The following RPA3 variants were observed in gnomAD, a reference collection of about 807,000 sequenced individuals.
The protein encoded by RPA3 is replication protein A 14 kDa subunit.
Under a neutral mutation model 13.7 loss-of-function variants are expected in RPA3, and 24 were observed. The ratio of observed to expected loss-of-function variants is 1.75; its 90% CI spans 1.27 to 2.46. The LOEUF is 2.46. RPA3 is among the 30% of genes most tolerant of loss of function. The pLI, the probability that RPA3 is intolerant of heterozygous loss-of-function variation, is 0.00. For synonymous variants in RPA3, 59 were observed against 51.2 expected (o/e 1.15, Z -0.65); for missense variants, 183 against 151.0 (o/e 1.21, Z -1.11).
At chr7:7,638,962 C>T in intron 6 of RPA3, 108 bp downstream of exon 6, 1 of 752,188 alleles carries the variant, frequency 1.3e-6, no homozygotes, top group Non-Finnish European at 2.0e-6. Context: ...GTTTTACCAG[C>T]TCATCCTTTT....
In RPA3 at chr7:7,640,517, C is replaced by T; in HGVS notation, c.-99G>A. ...GGGCAGATTTCTCGGCACCAATCAG[C>T]GAAGACTAGCGCTCCAGCTTCGCCA... On this transcript the variant is annotated 5_prime_UTR_variant, in exon 5 of 8. Coordinates refer to ENST00000223129, the MANE Select transcript of RPA3 (RefSeq NM_002947.5). 9.5e-7 allele frequency: 1 copy of T among 1,051,302 alleles called. No individual in the cohort carries two copies. Among genetic ancestry groups the T allele is most frequent in the East Asian group, 2.4e-5 (1 of 41,292 alleles). The allele number at this position is 1,051,302 out of a possible 1,614,324, so 65.1% of individuals were successfully genotyped here.
At chr7:7,674,932 C>A (rs1213551944) in intron 4 of RPA3, among the ~76,000 whole-genome samples, 2 of 152,092 alleles carry the variant, frequency 1.3e-5, no homozygotes, top group Admixed American at 6.5e-5. Context: ...GTTATATATT[C>A]CTGATTTTAA....
chr7:7,641,403 T>G (rs1784971122), intron 4 of RPA3: 1 of 152,238 alleles, frequency 6.6e-6, no homozygotes, highest in Non-Finnish European at 1.5e-5. Context: ...GGTTCTCCCT[T>G]CTGAGGCGTG....
At chr7:7,674,437 G>T (rs1779688047) in intron 4 of RPA3, among the ~76,000 whole-genome samples, 1 of 152,186 alleles carries the variant, frequency 6.6e-6, no homozygotes, top group African/African-American at 2.4e-5. Flanking sequence ...CTTTACTATA[G>T]AATTTTCCAT....
intron 4 of RPA3, among the ~76,000 whole-genome samples, chr7:7,643,723 AAACAAACAAAC>A (rs1220653130): frequency 1.8e-4 from 1 of 5,480 alleles, no homozygotes; most frequent in East Asian, 0.01. Context: ...AAAAAAAAAA[AAACAAACAAAC>A]GAAAAAAAAA....
At chr7:7,689,311 T>C (rs1050647189) in intron 2 of RPA3, 5 of 152,190 alleles carry the variant, frequency 3.3e-5, no homozygotes, top group African/African-American at 1.2e-4. Context: ...TGATGTTTTA[T>C]CTATCATTGC....
chr7:7,656,941 A>C (rs1785357942), intron 4 of RPA3, among the ~76,000 whole-genome samples: 1 of 152,190 alleles, frequency 6.6e-6, no homozygotes, highest in Admixed American at 6.5e-5. Context: ...ACAGTGTTAA[A>C]AGCCTTCCTA....
At chr7:7,692,193 G>A (rs1780188178) in intron 2 of RPA3, among the ~76,000 whole-genome samples, 1 of 152,196 alleles carries the variant, frequency 6.6e-6, no homozygotes, top group Non-Finnish European at 1.5e-5. Flanking sequence ...CTAGTCAGCA[G>A]GTAGAGAAGG....
chr7:7,651,454 C>T (rs1785221622), intron 4 of RPA3, among the ~76,000 whole-genome samples: 1 of 152,192 alleles, frequency 6.6e-6, no homozygotes, highest in Non-Finnish European at 1.5e-5. Flanking sequence ...AGGCTTGAGG[C>T]TGGGGCCTTT....
chr7:7,640,069 G>C (rs1258969021), intron 5 of RPA3: 2 of 524,710 alleles, frequency 3.8e-6, no homozygotes, highest in African/African-American at 3.9e-5. Context: ...ACGTAAGCAC[G>C]GCTAGAACGG....
intron 2 of RPA3, among the ~76,000 whole-genome samples, chr7:7,710,555 C>T (rs946416512): frequency 6.6e-6 from 1 of 151,972 alleles, no homozygotes; most frequent in Admixed American, 6.6e-5. Flanking sequence ...AGTAATAACA[C>T]CAAATGCTGG....
intron 5 of RPA3, 104 bp downstream of exon 5, chr7:7,640,216 C>T (rs1257279013): frequency 1.7e-6 from 2 of 1,186,406 alleles, no homozygotes; most frequent in Non-Finnish European, 2.5e-6. Context: ...GAGTCGGGGG[C>T]GCAGTGATCG....
At position 7,653,191 on chromosome 7, in the gene RPA3, ATTC is replaced by A. The variant is rs560524833; in HGVS notation, c.-757-12019_-757-12017del. On this transcript the variant is annotated intron_variant, in intron 4 of 7. Coordinates refer to ENST00000223129, the MANE Select transcript of RPA3 (RefSeq NM_002947.5). ...AACACCAAATGAAGTTGCTTCAGAA[ATTC>A]TTCTTGTACAGTAGTGTTATTTACA... Among the ~76,000 whole-genome samples, 377 of 152,326 alleles carry A rather than the reference ATTC, an allele frequency of 2.5e-3. 1 individual carries two copies. Among genetic ancestry groups the A allele is most frequent in the Middle Eastern group, 6.8e-3 (2 of 294 alleles).
At chr7:7,687,923 C>T (rs1423166684) in intron 2 of RPA3, among the ~76,000 whole-genome samples, 1 of 152,160 alleles carries the variant, frequency 6.6e-6, no homozygotes, top group Non-Finnish European at 1.5e-5. Flanking sequence ...TCCTGATGCA[C>T]CAGCTGAAAA....
intron 4 of RPA3, among the ~76,000 whole-genome samples, chr7:7,656,886 C>G (rs755436714): frequency 3.3e-5 from 5 of 152,216 alleles, no homozygotes; most frequent in Non-Finnish European, 7.3e-5. Context: ...TGAGGAATCA[C>G]CACACTGACT....
chr7:7,674,317 A>C (rs1000333325), intron 4 of RPA3, among the ~76,000 whole-genome samples: 4 of 152,172 alleles, frequency 2.6e-5, no homozygotes, highest in Non-Finnish European at 5.9e-5. Flanking sequence ...TCAGACTGGC[A>C]TCTGCTAGCA....
At position 7,694,960 on chromosome 7, in the gene RPA3, C is replaced by T. The variant is rs536355446; in HGVS notation, c.-1027-7632G>A. On this transcript the variant is annotated intron_variant, in intron 2 of 7. Coordinates refer to ENST00000223129, the MANE Select transcript of RPA3 (RefSeq NM_002947.5). ...TATTTTTAGTTTTTTGAGGAACCTCCCTACTGTTCTCCATAGTGGTTGTAC... is the reference window on the plus strand; with the variant it reads ...TATTTTTAGTTTTTTGAGGAACCTCTCTACTGTTCTCCATAGTGGTTGTAC... 1.2e-4 allele frequency among the ~76,000 whole-genome samples: 18 copies of T among 152,258 alleles called. No homozygotes were observed. The South Asian group carries it at 2.3e-3, about 19-fold the overall frequency.
chr7:7,699,246 T>C (rs907064006), intron 2 of RPA3, among the ~76,000 whole-genome samples: 2 of 152,152 alleles, frequency 1.3e-5, no homozygotes, highest in South Asian at 2.1e-4. Flanking sequence ...TTCCTTCTTA[T>C]CAGACTCATT....
At chr7:7,673,994 C>G (rs899631462) in intron 4 of RPA3, among the ~76,000 whole-genome samples, 17 of 152,116 alleles carry the variant, frequency 1.1e-4, no homozygotes, top group Admixed American at 6.6e-5. Flanking sequence ...TGTTCTTCAC[C>G]AGGGGAGTTC....
Sources: allele counts gnomAD v4.1 joint callset (sites outside exome capture counted in the v4.1 genomes callset), GRCh38; gene constraint gnomAD v4.1.1; transcripts MANE v1.5; gene names NCBI Gene and HGNC (gene_info 2026-07-23, HGNC 2026-07-21).